Variants in CNTN5 observed in about 807,000 individuals in gnomAD.
CNTN5 encodes contactin 5, also known as contactin-5.
CNTN5 carries 77 observed loss-of-function variants against 129.1 expected under a neutral mutation model. The observed-to-expected ratio is 0.60, with a 90% CI of 0.50 to 0.72. The LOEUF is 0.72. Ranked by LOEUF, CNTN5 falls within the 30% of genes least tolerant of loss-of-function variation. CNTN5 has a pLI of 0.00. For missense variants in CNTN5, 1,478 were observed against 1,328.8 expected (o/e 1.11, Z -1.75); for synonymous variants, 509 against 465.6 (o/e 1.09, Z -1.20).
At chr11:99,200,434 G>C (rs979220881) in intron 1 of CNTN5, among the ~76,000 whole-genome samples, 1 of 152,066 alleles carries the variant, frequency 6.6e-6, no homozygotes, top group South Asian at 2.1e-4. Flanking sequence ...AGAATTTTCA[G>C]CTTTAATTGC....
intron 2 of CNTN5, among the ~76,000 whole-genome samples, chr11:99,332,292 C>T (rs991599431): frequency 1.2e-5 from 1 of 81,922 alleles, no homozygotes. Flanking sequence ...CTACTATTTC[C>T]ACAATGTCTC....
intron 1 of CNTN5, among the ~76,000 whole-genome samples, chr11:99,189,750 G>A (rs1286554187): frequency 1.3e-5 from 2 of 151,294 alleles, no homozygotes; most frequent in Non-Finnish European, 3.0e-5. Context: ...ATTTTAATTA[G>A]GCTATTCATT....
chr11:99,813,197 G>A (rs896773276), intron 3 of CNTN5, among the ~76,000 whole-genome samples: 1 of 152,090 alleles, frequency 6.6e-6, no homozygotes, highest in Admixed American at 6.6e-5. Flanking sequence ...GAATGTTAGA[G>A]GTTGCTGAAA....
intron 2 of CNTN5, among the ~76,000 whole-genome samples, chr11:99,460,692 AACCAGTG>A (rs1252506845): frequency 6.6e-6 from 1 of 152,000 alleles, no homozygotes; most frequent in African/African-American, 2.4e-5. Context: ...CGAATATAAG[AACCAGTG>A]ATTTTCAGAT....
At chr11:100,036,987 C>T (rs1081346) in intron 9 of CNTN5, among the ~76,000 whole-genome samples, 63,541 of 147,322 alleles carry the variant, frequency 0.43, 13,628 homozygotes, top group African/African-American at 0.55. Context: ...TTGCCCTGCC[C>T]AGAACTTCCA....
chr11:99,998,032 A>G (rs1591545234), intron 8 of CNTN5, among the ~76,000 whole-genome samples: 1 of 152,112 alleles, frequency 6.6e-6, no homozygotes, highest in Non-Finnish European at 1.5e-5. Context: ...TCTATGACAA[A>G]CCCACAGCCA....
At position 99,703,316 on chromosome 11, in the gene CNTN5, T is replaced by C. The variant is rs376829464; in HGVS notation, c.56-116228T>C. ...AGCCATACTGATGCAGATTAAATTA[T>C]CTAGAGGTTGAGTTTTGTTAAGTTT... On this transcript the variant is annotated intron_variant, in intron 3 of 24. Coordinates refer to ENST00000524871, the MANE Select transcript of CNTN5 (RefSeq NM_014361.4). 3.3e-5 allele frequency among the ~76,000 whole-genome samples: 5 copies of C among 149,764 alleles called. No individual in the cohort carries two copies. The East Asian group carries it at 7.9e-4, about 24-fold the overall frequency.
intron 21 of CNTN5, among the ~76,000 whole-genome samples, chr11:100,326,753 G>A (rs772782447): frequency 2.6e-5 from 4 of 152,100 alleles, no homozygotes; most frequent in Non-Finnish European, 5.9e-5. Context: ...AAAATGATGT[G>A]AGAGAGAGTG....
intron 3 of CNTN5, among the ~76,000 whole-genome samples, chr11:99,792,080 C>A (rs986300108): frequency 6.6e-6 from 1 of 151,852 alleles, no homozygotes; most frequent in Non-Finnish European, 1.5e-5. Flanking sequence ...TGTCAGGATG[C>A]GTTTTTTATT....
chr11:99,637,094 A>G (rs1178698237), intron 3 of CNTN5, among the ~76,000 whole-genome samples: 2 of 148,098 alleles, frequency 1.4e-5, no homozygotes, highest in East Asian at 2.0e-4. Context: ...GGTTTCCTAT[A>G]TTCTAGTATC....
At chr11:99,738,651 G>GTA (rs1565478303) in intron 3 of CNTN5, among the ~76,000 whole-genome samples, 1 of 151,570 alleles carries the variant, frequency 6.6e-6, no homozygotes, top group Non-Finnish European at 1.5e-5. Flanking sequence ...GTATGTGTGT[G>GTA]TAGAACCTGG....
intron 2 of CNTN5, 71 bp downstream of exon 2, chr11:99,325,555 A>G (rs770938841): frequency 1.2e-4 from 19 of 152,296 alleles, no homozygotes; most frequent in Middle Eastern, 3.4e-3. Flanking sequence ...AGATTCATGC[A>G]TATCCTTAAT....
At chr11:99,713,842 T>A (rs1287006993) in intron 3 of CNTN5, among the ~76,000 whole-genome samples, 3 of 151,998 alleles carry the variant, frequency 2.0e-5, no homozygotes, top group Admixed American at 6.6e-5. Context: ...TGTTTGTGTA[T>A]GTTATAAAGG....
chr11:100,335,020 T>C (rs1022760260), intron 21 of CNTN5, among the ~76,000 whole-genome samples: 1 of 151,922 alleles, frequency 6.6e-6, no homozygotes, highest in African/African-American at 2.4e-5. Flanking sequence ...TGATGTGTTG[T>C]TGTACATTCA....
chr11:99,185,325 T>C (rs936694483), intron 1 of CNTN5, among the ~76,000 whole-genome samples: 2 of 151,766 alleles, frequency 1.3e-5, no homozygotes, highest in Non-Finnish European at 2.9e-5. Context: ...ATTTATTGAG[T>C]ATCTATAGTG....
intron 4 of CNTN5, chr11:99,844,526 G>C (rs1348069382): frequency 5.9e-6 from 2 of 336,330 alleles, no homozygotes; most frequent in Admixed American, 9.3e-5. Flanking sequence ...GGTTTTTTAA[G>C]ATATTGTTTA....
At chr11:99,879,326 AAAAT>A (rs1480425568) in intron 6 of CNTN5, among the ~76,000 whole-genome samples, 1 of 152,178 alleles carries the variant, frequency 6.6e-6, no homozygotes, top group African/African-American at 2.4e-5. Flanking sequence ...TAGAAAGGGA[AAAAT>A]AAATAAACAA....
chr11:99,492,952 G>A (rs1027010028), intron 2 of CNTN5, among the ~76,000 whole-genome samples: 8 of 152,082 alleles, frequency 5.3e-5, no homozygotes, highest in African/African-American at 1.2e-4. Context: ...TCTGGGAACA[G>A]GAAAAGTCCC....
chr11:100,145,054 T>A (rs1329126276), intron 13 of CNTN5, among the ~76,000 whole-genome samples: 2 of 152,142 alleles, frequency 1.3e-5, no homozygotes, highest in East Asian at 1.9e-4. Context: ...CTGTCTTTTT[T>A]AACTAGATTC....
Sources: allele counts gnomAD v4.1 joint callset (sites outside exome capture counted in the v4.1 genomes callset), GRCh38; gene constraint gnomAD v4.1.1; transcripts MANE v1.5; gene names NCBI Gene and HGNC (gene_info 2026-07-23, HGNC 2026-07-21).